The following SLC39A11 variants were observed in gnomAD, a reference collection of about 807,000 sequenced individuals.
SLC39A11 encodes solute carrier family 39 member 11.
In SLC39A11, 33 loss-of-function variants were observed where a neutral mutation model predicts 36.1. That is an observed-to-expected ratio of 0.91 (90% CI 0.69 to 1.22). The LOEUF is 1.22. Among genes scored for constraint, SLC39A11 ranks in the 50% most tolerant of loss-of-function variants. The pLI is 0.00. For synonymous variants in SLC39A11, 166 were observed against 170.3 expected, an observed-to-expected ratio of 0.97 and a Z score of 0.20; for missense variants, 432 against 430.3, an observed-to-expected ratio of 1.00 and a Z score of -0.03.
chr17:72,724,108 T>A (rs908072185), intron 7 of SLC39A11, among the ~76,000 whole-genome samples: 1 of 152,072 alleles, frequency 6.6e-6, no homozygotes, highest in Non-Finnish European at 1.5e-5. Flanking sequence ...CTTTTATTTT[T>A]TTTTTTCTGT....
intron 5 of SLC39A11, among the ~76,000 whole-genome samples, chr17:72,921,668 C>G (rs1024918783): frequency 5.9e-5 from 9 of 152,092 alleles, no homozygotes; most frequent in African/African-American, 2.2e-4. Context: ...CAAAATAGCC[C>G]CTGATCGAAA....
At chr17:72,703,917 C>T (rs1306262000) in intron 7 of SLC39A11, among the ~76,000 whole-genome samples, 1 of 152,180 alleles carries the variant, frequency 6.6e-6, no homozygotes, top group Non-Finnish European at 1.5e-5. Context: ...CCTTTGAAGC[C>T]AGGAGTTCAA....
intron 3 of SLC39A11, among the ~76,000 whole-genome samples, chr17:73,082,364 A>T (rs890262798): frequency 6.6e-6 from 1 of 152,070 alleles, no homozygotes; most frequent in Non-Finnish European, 1.5e-5. Flanking sequence ...TATGTTAGTG[A>T]ATGGGGCTTT....
At chr17:72,890,241 G>T (rs1818970221) in intron 5 of SLC39A11, among the ~76,000 whole-genome samples, 1 of 151,574 alleles carries the variant, frequency 6.6e-6, no homozygotes, top group African/African-American at 2.4e-5. Context: ...CTCCAGCTTG[G>T]GTGACAGAGT....
chr17:72,856,518 G>T lies in SLC39A11; in HGVS notation c.431-6714C>A, dbSNP rs78773876. On this transcript the variant is annotated intron_variant, in intron 5 of 9. Coordinates refer to ENST00000255559, the MANE Select transcript of SLC39A11 (RefSeq NM_139177.4). ...TACATCAGACAGACGTATCCACTTG[G>T]CCAAGTTGGAGTTTTAGCCTCAAAT... Among the ~76,000 whole-genome samples the T allele has an allele frequency of 2.6e-5, 4 of 152,062 alleles. 1 individual carries two copies. The highest frequency in any genetic ancestry group is 6.3e-3 in the Middle Eastern group (2 of 316).
chr17:72,759,111 CAAT>C (rs201799463), intron 6 of SLC39A11, among the ~76,000 whole-genome samples: 7 of 144,546 alleles, frequency 4.8e-5, no homozygotes, highest in African/African-American at 1.1e-4. Flanking sequence ...AAAATAATAA[CAAT>C]AATAATAATA....
intron 5 of SLC39A11, among the ~76,000 whole-genome samples, chr17:72,882,241 A>G (rs1171207679): frequency 6.6e-6 from 1 of 152,046 alleles, no homozygotes; most frequent in Non-Finnish European, 1.5e-5. Context: ...CTGTAGTCCC[A>G]GCCACTCGGG....
chr17:72,966,554 G>GT lies in SLC39A11; in HGVS notation c.307-18680dup, dbSNP rs566591203. ...GGGTTGAGGAAAGGAAGCTTCATCT[G>GT]TTTTTTTTTGTTATTGTTGTTGTTC... On this transcript the variant is annotated intron_variant, in intron 4 of 9. Transcript: ENST00000255559. Among the ~76,000 whole-genome samples the GT allele has an allele frequency of 2.2e-4, 28 of 125,380 alleles. 1 individual carries two copies. The highest frequency in any genetic ancestry group is 7.0e-4 in the Admixed American group (8 of 11,432). The allele number at this position is 125,380 out of a possible 152,430, so 82.3% of individuals were successfully genotyped here.
At chr17:73,062,366 G>A (rs1467350703) in intron 3 of SLC39A11, among the ~76,000 whole-genome samples, 1 of 150,768 alleles carries the variant, frequency 6.6e-6, no homozygotes, top group African/African-American at 2.4e-5. Flanking sequence ...GGCAGAGGTA[G>A]GAGGATGGCT....
chr17:73,022,321 G>A (rs930365880), intron 4 of SLC39A11, among the ~76,000 whole-genome samples: 4 of 152,198 alleles, frequency 2.6e-5, no homozygotes, highest in Admixed American at 6.5e-5. Flanking sequence ...CAGGCCGAGT[G>A]CAGTGGCTCA....
chr17:72,908,352 G>A (rs1390363436), intron 5 of SLC39A11, among the ~76,000 whole-genome samples: 5 of 152,180 alleles, frequency 3.3e-5, no homozygotes, highest in Admixed American at 2.6e-4. Context: ...AGATTTTGGG[G>A]GTAGGTAAAG....
At chr17:72,744,409 A>G (rs1218196646) in intron 6 of SLC39A11, among the ~76,000 whole-genome samples, 1 of 152,182 alleles carries the variant, frequency 6.6e-6, no homozygotes, top group African/African-American at 2.4e-5. Flanking sequence ...TTCTCTCCCA[A>G]TGAGGGACAC....
chr17:73,027,347 C>G (rs1263195985), intron 4 of SLC39A11, among the ~76,000 whole-genome samples: 1 of 152,240 alleles, frequency 6.6e-6, no homozygotes, highest in Non-Finnish European at 1.5e-5. Flanking sequence ...CTCCCAGGCC[C>G]AGTAGGCTGC....
intron 5 of SLC39A11, among the ~76,000 whole-genome samples, chr17:72,923,681 G>A (rs1290007158): frequency 6.6e-6 from 1 of 152,158 alleles, no homozygotes. Context: ...ACATTGCTAG[G>A]GGGATTTGGT....
rs1029899681 is a variant in SLC39A11, at chr17:73,091,688, G to A, written c.-12+923C>T. 3.3e-5 allele frequency: 5 copies of A among 152,326 alleles called. No homozygotes were observed. In the East Asian group the frequency reaches 9.7e-4, roughly 29 times the overall value. The allele number at this position is 152,326 out of a possible 1,614,324, so 9.4% of individuals were successfully genotyped here. ...TTTAGGACACAGCATCTCCATCACA[G>A]CTTACACAATGGGGCTCAGAATTCC... is the stretch of plus-strand genomic sequence containing the variant. On this transcript the variant is annotated intron_variant, in intron 1 of 9. Coordinates refer to ENST00000255559, the MANE Select transcript of SLC39A11 (RefSeq NM_139177.4).
intron 4 of SLC39A11, among the ~76,000 whole-genome samples, chr17:73,011,744 C>T (rs1407017939): frequency 1.3e-5 from 2 of 150,816 alleles, no homozygotes; most frequent in Non-Finnish European, 3.0e-5. Context: ...TCACTGCAAC[C>T]TTCGCCTCCT....
chr17:72,975,181 G>T (rs1247915950), intron 4 of SLC39A11, among the ~76,000 whole-genome samples: 2 of 152,156 alleles, frequency 1.3e-5, no homozygotes, highest in Admixed American at 6.5e-5. Context: ...GCTCACACCT[G>T]GAATCCTCAC....
Position 72,765,371 on chromosome 17 carries a change from T to C in SLC39A11, c.602-28652A>G, listed in dbSNP as rs973294561. Among the ~76,000 whole-genome samples, 3 of 152,208 alleles carry C rather than the reference T, an allele frequency of 2.0e-5. No individual in the cohort carries two copies. In the East Asian group the frequency reaches 5.8e-4, roughly 29 times the overall value. ...AATCAGCAGCACCCATTCCCTTGCC[T>C]GTCAAACTATCCTTGAAAAATCCTA... On this transcript the variant is annotated intron_variant, in intron 6 of 9. Transcript: ENST00000255559.
chr17:72,985,051 AG>A (rs2088612744), intron 4 of SLC39A11, among the ~76,000 whole-genome samples: 2 of 152,214 alleles, frequency 1.3e-5, no homozygotes, highest in Non-Finnish European at 2.9e-5. Context: ...TAGGAGGCCC[AG>A]CCGGGCTAGA....
Sources: gnomAD v4.1 joint callset for allele counts (sites outside exome capture counted in the v4.1 genomes callset) on GRCh38, gnomAD v4.1.1 for gene constraint, MANE v1.5 for transcripts, NCBI Gene and HGNC (gene_info 2026-07-23, HGNC 2026-07-21) for gene names.